Variants in SYN3 observed in about 807,000 individuals in gnomAD.
SYN3 encodes the protein synapsin III, also known as synapsin-3.
SYN3 carries 35 observed loss-of-function variants against 65.8 expected under a neutral mutation model. The ratio of observed to expected loss-of-function variants is 0.53; its 90% confidence interval spans 0.41 to 0.70. The LOEUF (loss-of-function observed/expected upper bound fraction) is 0.70, where lower values mean the gene tolerates loss of function less well. Among genes scored for constraint, SYN3 ranks in the 30% least tolerant of loss-of-function variants. The pLI, the probability that SYN3 is intolerant of heterozygous loss-of-function variation, is 0.00. For missense variants in SYN3, 680 were observed against 749.0 expected (o/e 0.91, Z 1.08); for synonymous variants, 270 against 292.9 (o/e 0.92, Z 0.80).
intron 4 of SYN3, among the ~76,000 whole-genome samples, chr22:32,891,155 T>C (rs1483336925): frequency 1.3e-5 from 2 of 152,182 alleles, no homozygotes; most frequent in Non-Finnish European, 2.9e-5. Context: ...TGGCAGCAGC[T>C]TCCAGACTTT....
At position 32,665,927 on chromosome 22, in the gene SYN3, C is replaced by T. The variant is rs1433345206; in HGVS notation, c.712-69191G>A. ...TGTCTAACTGCTTTCTTGACATCTG[C>T]ACTCTGATGTCCAACGAAATCACAC... On this transcript the variant is annotated intron_variant, in intron 6 of 13. Coordinates refer to ENST00000358763, the MANE Select transcript of SYN3 (RefSeq NM_003490.4). Among the ~76,000 whole-genome samples, 5 of 152,278 alleles carry T rather than the reference C, an allele frequency of 3.3e-5. No homozygotes were observed. In the East Asian group the frequency reaches 9.7e-4, roughly 29 times the overall value.
chr22:32,619,819 C>T (rs935436122), intron 6 of SYN3, among the ~76,000 whole-genome samples: 3 of 152,338 alleles, frequency 2.0e-5, no homozygotes, highest in African/African-American at 7.2e-5. Context: ...TTGCATGTTT[C>T]AGCTCTCTCT....
intron 6 of SYN3, among the ~76,000 whole-genome samples, chr22:32,741,586 A>G (rs1602032488): frequency 6.6e-6 from 1 of 150,566 alleles, no homozygotes; most frequent in Non-Finnish European, 1.5e-5. Flanking sequence ...CGATCTCCTG[A>G]CCTCGTGATC....
At chr22:32,988,307 AAATAATAATAATAAT>A (rs58058197) in intron 2 of SYN3, among the ~76,000 whole-genome samples, 8 of 142,580 alleles carry the variant, frequency 5.6e-5, no homozygotes, top group African/African-American at 1.0e-4. Context: ...CTCTGTCTCA[AAATAATAATAATAAT>A]AATAATAATA....
At chr22:32,802,162 G>C (rs1490426235) in intron 6 of SYN3, 2 of 1,561,190 alleles carry the variant, frequency 1.3e-6, no homozygotes, top group Non-Finnish European at 1.7e-6. Flanking sequence ...CCACGCTGCA[G>C]CCAGGACTGC....
At chr22:32,993,450 G>A (rs898249263) in intron 2 of SYN3, among the ~76,000 whole-genome samples, 5 of 152,186 alleles carry the variant, frequency 3.3e-5, no homozygotes, top group Non-Finnish European at 5.9e-5. Flanking sequence ...CCACCTCCTG[G>A]GTTCAAGTGA....
intron 3 of SYN3, among the ~76,000 whole-genome samples, chr22:32,956,111 C>G (rs920167247): frequency 6.9e-6 from 1 of 143,898 alleles, no homozygotes; most frequent in South Asian, 2.2e-4. Context: ...TACCGCCCCC[C>G]CCAAAAAATG....
intron 6 of SYN3, chr22:32,833,867 T>C: frequency 2.0e-6 from 1 of 500,428 alleles, no homozygotes. Flanking sequence ...GGAAAGTGCC[T>C]GATAGCTGAT....
At chr22:32,581,873 T>G (rs1162147269) in intron 7 of SYN3, among the ~76,000 whole-genome samples, 7 of 142,988 alleles carry the variant, frequency 4.9e-5, no homozygotes, top group East Asian at 2.1e-4. Flanking sequence ...GACAGCTCAC[T>G]GCAACCTCCG....
intron 7 of SYN3, among the ~76,000 whole-genome samples, chr22:32,574,379 T>TGAGGTGGGAGGATGGCTTGAGCC (rs1445336720): frequency 1.3e-5 from 2 of 152,116 alleles, no homozygotes; most frequent in Non-Finnish European, 2.9e-5. Flanking sequence ...CTTGGGTGGC[T>TGAGGTGGGAGGATGGCTTGAGCC]GAGGTGGGAG....
Position 32,962,545 on chromosome 22 carries a change from T to A in SYN3, c.369+18100A>T, listed in dbSNP as rs970933075. 2.0e-5 allele frequency among the ~76,000 whole-genome samples: 3 copies of A among 152,136 alleles called. No homozygotes were observed. The East Asian group carries it at 5.8e-4, about 29-fold the overall frequency. On this transcript the variant is annotated intron_variant, in intron 3 of 13. Transcript: ENST00000358763. The stretch of plus-strand genomic sequence containing the variant: ...GAAGCAGTATGATGGGGAGAGCAGA[T>A]GATATCTCAGGAATGAGGCGGCGAG...
chr22:32,954,095 CACCCA>C (rs2051371336), intron 3 of SYN3, among the ~76,000 whole-genome samples: 3 of 142,240 alleles, frequency 2.1e-5, no homozygotes, highest in Admixed American at 7.2e-5. Context: ...GTTGTACCCA[CACCCA>C]ACAAAACAAA....
At position 33,047,999 on chromosome 22, in the gene SYN3, A is replaced by C. The variant is rs561639244; in HGVS notation, c.-163+10293T>G. Among the ~76,000 whole-genome samples, 13 of 152,140 alleles carry C rather than the reference A, an allele frequency of 8.5e-5. No homozygotes were observed. The South Asian group carries it at 2.7e-3, about 32-fold the overall frequency. On this transcript the variant is annotated intron_variant, in intron 1 of 13. Coordinates refer to ENST00000358763, the MANE Select transcript of SYN3 (RefSeq NM_003490.4). Reference sequence around the variant, plus strand: ...CCATTCTTTTTCCACTTTGGACTTTAGAAGCAATATTCAGGGGCATGAGAA... The same window carrying C: ...CCATTCTTTTTCCACTTTGGACTTTCGAAGCAATATTCAGGGGCATGAGAA...
At chr22:32,964,650 T>A (rs879410503) in intron 3 of SYN3, among the ~76,000 whole-genome samples, 4 of 152,208 alleles carry the variant, frequency 2.6e-5, no homozygotes, top group Non-Finnish European at 5.9e-5. Flanking sequence ...TTTCCTCATC[T>A]GAATAATAAT....
At chr22:32,528,828 G>A (rs1236294336) in intron 11 of SYN3, 46 bp downstream of exon 11, 1 of 1,611,748 alleles carries the variant, frequency 6.2e-7, no homozygotes, top group Admixed American at 1.7e-5. Flanking sequence ...AGACAGCCTG[G>A]CATTTCTCAT....
intron 7 of SYN3, among the ~76,000 whole-genome samples, chr22:32,580,621 GA>G (rs201953339): frequency 6.6e-6 from 1 of 151,598 alleles, no homozygotes; most frequent in East Asian, 1.9e-4. Context: ...CTGTAGTCGG[GA>G]AAAAAAATCA....
intron 6 of SYN3, among the ~76,000 whole-genome samples, chr22:32,820,076 T>C (rs2047193086): frequency 6.6e-6 from 1 of 152,020 alleles, no homozygotes; most frequent in Non-Finnish European, 1.5e-5. Context: ...GTGGGTGCTT[T>C]TCTGATTCCT....
At chr22:32,552,414 GTTTTTCTTTT>G (rs1477294351) in intron 7 of SYN3, among the ~76,000 whole-genome samples, 1 of 128,250 alleles carries the variant, frequency 7.8e-6, no homozygotes, top group Non-Finnish European at 1.7e-5. Context: ...TGGGTCAAAG[GTTTTTCTTTT>G]TTTTTTCTTT....
At chr22:32,763,633 G>A (rs762767824) in intron 6 of SYN3, among the ~76,000 whole-genome samples, 2 of 152,164 alleles carry the variant, frequency 1.3e-5, no homozygotes, top group African/African-American at 4.8e-5. Flanking sequence ...AGTACTGCCC[G>A]GGCAATCCAG....
Sources: gnomAD v4.1 joint callset for allele counts (sites outside exome capture counted in the v4.1 genomes callset) on GRCh38, gnomAD v4.1.1 for gene constraint, MANE v1.5 for transcripts, NCBI Gene and HGNC (gene_info 2026-07-23, HGNC 2026-07-21) for gene names.